PLAUR: variants seen among roughly 807,000 people sequenced by gnomAD.
PLAUR encodes plasminogen activator, urokinase receptor, also known as urokinase plasminogen activator surface receptor.
A neutral mutation model predicts 33.4 loss-of-function variants in PLAUR; 22 were observed. That is an observed-to-expected ratio of 0.66 (90% CI 0.47 to 0.94). The LOEUF (loss-of-function observed/expected upper bound fraction) is 0.94. PLAUR is among the 40% of genes least tolerant of loss of function. The pLI, the probability that PLAUR is intolerant of heterozygous loss-of-function variation, is 0.00. For synonymous variants in PLAUR, 148 were observed against 167.3 expected, an observed-to-expected ratio of 0.88 and a Z score of 0.89; for missense variants, 408 against 434.7, an observed-to-expected ratio of 0.94 and a Z score of 0.55.
intron 6 of PLAUR, among the ~76,000 whole-genome samples, chr19:43,650,199 CG>C (rs557125980): frequency 7.3e-5 from 11 of 151,148 alleles, no homozygotes; most frequent in Admixed American, 2.0e-4. Context: ...CTAGTAGAGA[CG>C]GGGTTTCACC....
chr19:43,655,519 G>T lies in PLAUR; in HGVS notation c.527C>A (p.Pro176Gln). The T allele has an allele frequency of 6.2e-7, 1 of 1,614,166 alleles. No homozygotes were observed. The change falls in exon 5 of 7, where the codon CCG becomes CAG. Residue 176 changes from proline to glutamine, a missense_variant. Coordinates refer to ENST00000340093, the MANE Select transcript of PLAUR (RefSeq NM_002659.4). ...LRGCGYLPGC[P>Q]GSNGFHNNDT... ...GTTGTTGTGGAAACCATTGGAGCCC[G>T]GGCAGCCGGGAAGGTAGCCACAGCC...
At position 43,665,279 on chromosome 19, in the gene PLAUR, G is replaced by A. The variant is rs4251833; in HGVS notation, c.310+37C>T. ...TGATGATGAGGTTGAGCTGGGGATGGCTTGGGGTTGGGGATGGCAAGGGCT... is the reference window on the plus strand; with the variant it reads ...TGATGATGAGGTTGAGCTGGGGATGACTTGGGGTTGGGGATGGCAAGGGCT... On this transcript the variant is annotated intron_variant, in intron 3 of 6. Transcript: ENST00000340093. 5.4e-4 allele frequency: 875 copies of A among 1,606,610 alleles called. 1 individual carries two copies. In the African/African-American group the frequency reaches 9.2e-3, roughly 17 times the overall value.
chr19:43,654,851 CGTGGCTCAGCCCAG>C (rs1469007317), intron 5 of PLAUR, among the ~76,000 whole-genome samples: 1 of 152,026 alleles, frequency 6.6e-6, no homozygotes, highest in African/African-American at 2.4e-5. Flanking sequence ...AAGAAGTCAG[CGTGGCTCAGCCCAG>C]GTGGTGGCAG....
chr19:43,663,510 G>T (rs922480769), intron 3 of PLAUR, among the ~76,000 whole-genome samples: 2 of 151,974 alleles, frequency 1.3e-5, no homozygotes, highest in African/African-American at 2.4e-5. Flanking sequence ...GGCCGGGCAC[G>T]GTGGCTCACG....
chr19:43,646,455 A>T (rs1447842909), downstream of PLAUR: 2 of 718,258 alleles, frequency 2.8e-6, no homozygotes, highest in Admixed American at 4.0e-5. Flanking sequence ...TCCACATGGC[A>T]TTTATACATG....
intron 5 of PLAUR, among the ~76,000 whole-genome samples, chr19:43,654,032 G>A (rs1160731919): frequency 6.6e-6 from 1 of 151,904 alleles, no homozygotes; most frequent in African/African-American, 2.4e-5. Context: ...GCTGAGGCAG[G>A]GGAATGGCGT....
chr19:43,659,833 C>T (rs1600132014), intron 3 of PLAUR, among the ~76,000 whole-genome samples: 1 of 152,214 alleles, frequency 6.6e-6, no homozygotes, highest in Non-Finnish European at 1.5e-5. Flanking sequence ...TTTCTGACCT[C>T]TATCAAGCAT....
rs773338988 is a variant in PLAUR, at chr19:43,649,000, C to T, written c.898G>A (p.Val300Ile). The T allele has an allele frequency of 6.8e-6, 11 of 1,614,184 alleles. No homozygotes were observed. Among genetic ancestry groups the T allele is most frequent in the Non-Finnish European group, 8.5e-6 (10 of 1,180,026 alleles). ...GGAGCAGCCCCACTGCGGTACTGGA[C>T]ATCCAGGTCTGGGTGGTTACAGCCA... ...KSGCNHPDLD[V>I]QYRSGAAPQP... is the part of the protein sequence containing the mutation. The change falls in exon 7 of 7, where the codon GTC becomes ATC. Residue 300 changes from valine (V) to isoleucine (I), a missense_variant. By Grantham distance (29) the Val-to-Ile change is conservative (BLOSUM62 3). Coordinates refer to ENST00000340093, the MANE Select transcript of PLAUR (RefSeq NM_002659.4).
In PLAUR at chr19:43,670,153, T is replaced by G; in HGVS notation, c.-33A>C. 6.2e-7 allele frequency: 1 copy of G among 1,603,650 alleles called. No homozygotes were observed. Among genetic ancestry groups the G allele is most frequent in the Non-Finnish European group, 8.5e-7 (1 of 1,175,382 alleles). On this transcript the variant is annotated 5_prime_UTR_variant, in exon 1 of 7. Transcript: ENST00000340093. ...GGGCAGCTCCTGTGCGCGGGGTCCC[T>G]GCACGTCTTCTCTCCTTCTGGCCTC...
At chr19:43,655,299 A>T (rs1288082392) in intron 5 of PLAUR, 140 bp downstream of exon 5, 1 of 641,654 alleles carries the variant, frequency 1.6e-6, no homozygotes, top group Non-Finnish European at 2.6e-6. Context: ...AAAAAAAAAA[A>T]GGCCTGATAC....
At chr19:43,655,880 C>T (rs1356565726) in intron 4 of PLAUR, among the ~76,000 whole-genome samples, 1 of 152,096 alleles carries the variant, frequency 6.6e-6, no homozygotes, top group Non-Finnish European at 1.5e-5. Context: ...TTCCTCCTTC[C>T]TGGAACTTAG....
rs4803653 is a variant in PLAUR, at chr19:43,668,989, C to T, written c.55+1077G>A. The stretch of plus-strand genomic sequence containing the variant: ...CCCAGTCCCTAGGCCCGGTCCCCGA[C>T]CTCCGGGCCTTCCCGGACATCCCTT... On this transcript the variant is annotated intron_variant, in intron 1 of 6. Coordinates refer to ENST00000340093, the MANE Select transcript of PLAUR (RefSeq NM_002659.4). Among the ~76,000 whole-genome samples the T allele has an allele frequency of 2.9e-3, 448 of 152,330 alleles. 5 individuals carry two copies. The highest frequency in any genetic ancestry group is 9.9e-3 in the African/African-American group (412 of 41,570).
At chr19:43,668,798 G>C (rs2146297186) in intron 1 of PLAUR, among the ~76,000 whole-genome samples, 1 of 150,598 alleles carries the variant, frequency 6.6e-6, no homozygotes, top group Admixed American at 6.6e-5. Context: ...GTTACGCCTC[G>C]AGGTTATAAC....
intron 2 of PLAUR, 26 bp downstream of exon 2, chr19:43,667,555 G>C (rs1190788458): frequency 6.8e-7 from 1 of 1,470,356 alleles, no homozygotes; most frequent in Non-Finnish European, 9.5e-7. Flanking sequence ...GCGCTGGAGG[G>C]GTGTGTGGGT....
intron 3 of PLAUR, among the ~76,000 whole-genome samples, chr19:43,663,057 C>A (rs143873667): frequency 9.2e-4 from 140 of 152,128 alleles, no homozygotes; most frequent in African/African-American, 3.3e-3. Context: ...GTTGCTTCCC[C>A]TAGGAAACCT....
intron 6 of PLAUR, among the ~76,000 whole-genome samples, chr19:43,650,228 C>T (rs1420798753): frequency 1.3e-5 from 2 of 151,340 alleles, no homozygotes; most frequent in Admixed American, 1.3e-4. Flanking sequence ...CCAGGCTGGT[C>T]TCGAACTCCT....
rs4251892 is a variant in PLAUR, at chr19:43,654,840, C to T, written c.607+599G>A. Among the ~76,000 whole-genome samples, 74 of 152,172 alleles carry T rather than the reference C, an allele frequency of 4.9e-4. 1 individual carries two copies. Among genetic ancestry groups the T allele is most frequent in the African/African-American group, 1.7e-3 (69 of 41,518 alleles). Reference sequence around the variant, plus strand: ...GAGGAGGTCATTGCAACAACCTGGGCAAGAAGTCAGCGTGGCTCAGCCCAG... The same window carrying T: ...GAGGAGGTCATTGCAACAACCTGGGTAAGAAGTCAGCGTGGCTCAGCCCAG... On this transcript the variant is annotated intron_variant, in intron 5 of 6. Transcript: ENST00000340093.
At chr19:43,659,702 G>A (rs866164192) in intron 3 of PLAUR, among the ~76,000 whole-genome samples, 2 of 152,084 alleles carry the variant, frequency 1.3e-5, no homozygotes, top group African/African-American at 2.4e-5. Flanking sequence ...CGCGTCCAAG[G>A]CGGCCCCATC....
chr19:43,657,089 G>A (rs1038276266), intron 3 of PLAUR, among the ~76,000 whole-genome samples: 3 of 151,870 alleles, frequency 2.0e-5, no homozygotes, highest in African/African-American at 4.8e-5. Flanking sequence ...GACTACAGGC[G>A]TGCACCATCA....
Sources: gnomAD v4.1 joint callset for allele counts (sites outside exome capture counted in the v4.1 genomes callset) on GRCh38, gnomAD v4.1.1 for gene constraint, MANE v1.5 for transcripts, NCBI Gene and HGNC (gene_info 2026-07-23, HGNC 2026-07-21) for gene names.